The following RECK variants were observed in gnomAD, a reference collection of about 807,000 sequenced individuals.
RECK encodes reversion-inducing cysteine-rich protein with Kazal motifs.
A neutral mutation model predicts 115.1 loss-of-function variants in RECK; 69 were observed. The observed-to-expected ratio is 0.60, with a 90% CI of 0.49 to 0.73. The LOEUF is 0.73. RECK is among the 30% of genes least tolerant of loss of function. RECK has a pLI of 0.00. For missense variants in RECK, 1,047 were observed against 1,203.7 expected, an observed-to-expected ratio of 0.87 and a Z score of 1.93; for synonymous variants, 414 against 419.7, an observed-to-expected ratio of 0.99 and a Z score of 0.17.
chr9:36,049,103 G>A (rs1821184637), intron 1 of RECK, among the ~76,000 whole-genome samples: 1 of 152,168 alleles, frequency 6.6e-6, no homozygotes, highest in South Asian at 2.1e-4. Flanking sequence ...GCCTCATAGG[G>A]TGAGATCTAG....
intron 10 of RECK, among the ~76,000 whole-genome samples, chr9:36,098,961 C>T (rs1054284357): frequency 5.9e-5 from 9 of 152,164 alleles, no homozygotes; most frequent in Admixed American, 4.6e-4. Flanking sequence ...CATGATGGCT[C>T]ACACCTATAA....
intron 1 of RECK, among the ~76,000 whole-genome samples, chr9:36,039,669 G>A (rs1042979021): frequency 6.6e-6 from 1 of 152,166 alleles, no homozygotes; most frequent in Admixed American, 6.5e-5. Context: ...CTTTGTAATA[G>A]TACAAAAGAG....
At chr9:36,113,172 G>A (rs1587091229) in intron 16 of RECK, among the ~76,000 whole-genome samples, 2 of 152,296 alleles carry the variant, frequency 1.3e-5, no homozygotes, top group East Asian at 1.9e-4. Flanking sequence ...CAGCCACCAC[G>A]GCAGGCATCT....
rs1822645797 is a variant in RECK at position 36,080,586 on chromosome 9, G to A, written c.406-19G>A. ...TCTGGTTGTTAATTTCTGTTTATTT[G>A]TTTTTCTTCAATTTACAGAATGCTC... On this transcript the variant is annotated intron_variant, in intron 6 of 20. Transcript: ENST00000377966. The A allele has an allele frequency of 6.3e-7, 1 of 1,590,310 alleles. No homozygotes were observed. Among genetic ancestry groups the A allele is most frequent in the Non-Finnish European group, 8.6e-7 (1 of 1,162,180 alleles).
intron 1 of RECK, among the ~76,000 whole-genome samples, chr9:36,040,087 C>A (rs558541325): frequency 2.0e-5 from 3 of 152,106 alleles, no homozygotes; most frequent in African/African-American, 7.2e-5. Context: ...TTTGTTTATC[C>A]AAAAAATACT....
intron 6 of RECK, chr9:36,072,810 G>A (rs918610657): frequency 1.3e-5 from 2 of 152,112 alleles, no homozygotes; most frequent in African/African-American, 4.8e-5. Flanking sequence ...TTTTGTAGTT[G>A]GGGGAAGGGA....
Position 36,105,299 on chromosome 9 carries a change from G to A in RECK, c.1576+16G>A. On this transcript the variant is annotated intron_variant, in intron 13 of 20. Coordinates refer to ENST00000377966, the MANE Select transcript of RECK (RefSeq NM_021111.3). The stretch of plus-strand genomic sequence containing the variant: ...TGTGTTCAAGGTAAGAGGTAGGTGG[G>A]TGTGAGAAGAGGATGGATAGGTGCT... 6.2e-7 allele frequency: 1 copy of A among 1,613,580 alleles called. No homozygotes were observed. The highest frequency in any genetic ancestry group is 8.5e-7 in the Non-Finnish European group (1 of 1,179,622).
Position 36,037,046 on chromosome 9 carries a change from G to T in RECK, c.48G>T (p.Leu16=). 1.1e-5 allele frequency: 16 copies of T among 1,404,962 alleles called. No homozygotes were observed. Among genetic ancestry groups the T allele is most frequent in the Non-Finnish European group, 1.4e-5 (15 of 1,073,930 alleles). The allele number at this position is 1,404,962 out of a possible 1,614,324, so 87.0% of individuals were successfully genotyped here. A position where few individuals can be genotyped will look rare whatever the true frequency, so the allele number is the denominator to read the frequency against. The part of the protein sequence containing the change: ...ASLRGALLLL[L]AVAGVAEVAG... ...TGCGAGGTGCGCTGCTCCTTCTGCT[G>T]GCCGTGGCGGGGGTCGCGGAGGTGG... The change falls in exon 1 of 21, where the codon CTG becomes CTT. Residue 16 remains leucine, a synonymous_variant. Coordinates refer to ENST00000377966, the MANE Select transcript of RECK (RefSeq NM_021111.3).
intron 6 of RECK, among the ~76,000 whole-genome samples, chr9:36,076,633 T>C (rs1485770593): frequency 1.3e-5 from 2 of 152,162 alleles, no homozygotes; most frequent in Non-Finnish European, 2.9e-5. Flanking sequence ...AATTGTCAAA[T>C]ATTCAGGAAT....
chr9:36,108,247 C>A, intron 14 of RECK, 83 bp downstream of exon 14: 2 of 1,041,994 alleles, frequency 1.9e-6, no homozygotes, highest in Non-Finnish European at 2.8e-6. Context: ...AGATTCTGAC[C>A]ACAGAGTAAG....
At chr9:36,051,452 A>G (rs1246516134) in intron 1 of RECK, among the ~76,000 whole-genome samples, 1 of 152,214 alleles carries the variant, frequency 6.6e-6, no homozygotes. Flanking sequence ...ACTCCTTAAT[A>G]TCATTCACTT....
chr9:36,098,523 G>A (rs1408642951), intron 10 of RECK, among the ~76,000 whole-genome samples: 2 of 152,134 alleles, frequency 1.3e-5, no homozygotes, highest in Non-Finnish European at 2.9e-5. Flanking sequence ...GTTACTACTG[G>A]GAGTAGAAGA....
At chr9:36,059,268 C>A (rs1821663093) in intron 3 of RECK, among the ~76,000 whole-genome samples, 2 of 151,894 alleles carry the variant, frequency 1.3e-5, no homozygotes, top group African/African-American at 4.8e-5. Context: ...ACCAGCCTGG[C>A]CAGCATAGTG....
chr9:36,108,048 G>A lies in RECK; in HGVS notation c.1649G>A (p.Gly550Glu), dbSNP rs770505780. The A allele has an allele frequency of 6.2e-7, 1 of 1,614,046 alleles. No homozygotes were observed. Among genetic ancestry groups the A allele is most frequent in the Non-Finnish European group, 8.5e-7 (1 of 1,179,962 alleles). The change falls in exon 14 of 21, where the codon GGG becomes GAG. Residue 550 changes from glycine to glutamate, a missense_variant. Transcript: ENST00000377966. Reference sequence around the variant, plus strand: ...CTAATCCAGGTGCCATCATCTGCAGGGGAAGTTGGTTGTTATAAAATCTGT... The same window carrying A: ...CTAATCCAGGTGCCATCATCTGCAGAGGAAGTTGGTTGTTATAAAATCTGT... ...GTLIQVPSSA[G>E]EVGCYKICSC...
rs746588440 is a variant in RECK at position 36,091,193 on chromosome 9, G to A, written c.935G>A (p.Ser312Asn). The A allele has an allele frequency of 1.1e-5, 18 of 1,613,944 alleles. No homozygotes were observed. The highest frequency in any genetic ancestry group is 1.5e-5 in the Non-Finnish European group (18 of 1,179,978). Reference protein sequence around the residue: ...RELCTKLYSMSWGNTQSWQEF... With the variant: ...RELCTKLYSMNWGNTQSWQEF... The stretch of plus-strand genomic sequence containing the variant: ...CTCTGCACTAAACTTTACAGCATGA[G>A]CTGGGGCAATACACAGAGTTGGCAA... Residue 312 changes from serine (S) to asparagine (N), a missense_variant, in exon 10 of 21, where the codon AGC becomes AAC. By Grantham distance (46) the Ser-to-Asn change is conservative. Coordinates refer to ENST00000377966, the MANE Select transcript of RECK (RefSeq NM_021111.3).
At chr9:36,109,918 G>A (rs1322179914) in intron 14 of RECK, 39 bp from the exon 15 acceptor site, 1 of 1,555,444 alleles carries the variant, frequency 6.4e-7, no homozygotes, top group Non-Finnish European at 8.9e-7. Flanking sequence ...ATTTCTCAAT[G>A]CATGATATAG....
intron 10 of RECK, among the ~76,000 whole-genome samples, chr9:36,097,680 A>G (rs1823406556): frequency 6.6e-6 from 1 of 152,228 alleles, no homozygotes. Flanking sequence ...ACTACTAGGT[A>G]CATATCTAAA....
At chr9:36,059,402 G>T (rs1294840482) in intron 3 of RECK, among the ~76,000 whole-genome samples, 1 of 150,514 alleles carries the variant, frequency 6.6e-6, no homozygotes, top group Non-Finnish European at 1.5e-5. Flanking sequence ...GTTGCAGTGA[G>T]CTGAGATAGC....
chr9:36,066,715 T>C, intron 6 of RECK: 1 of 987,164 alleles, frequency 1.0e-6, no homozygotes, highest in Non-Finnish European at 1.3e-6. Context: ...TGGCTAACTG[T>C]GATAATTCCT....
Sources: gnomAD v4.1 joint callset for allele counts (sites outside exome capture counted in the v4.1 genomes callset) on GRCh38, gnomAD v4.1.1 for gene constraint, MANE v1.5 for transcripts, NCBI Gene and HGNC (gene_info 2026-07-23, HGNC 2026-07-21) for gene names.